Variants in SH2B1 observed in about 807,000 individuals in gnomAD.
The protein encoded by SH2B1 is SH2B adaptor protein 1, also known as SH2B adapter protein 1.
SH2B1 carries 15 observed loss-of-function variants against 62.6 expected under a neutral mutation model. That is an observed-to-expected ratio of 0.24 (90% confidence interval 0.16 to 0.37). The LOEUF is 0.37. SH2B1 is among the 10% of genes least tolerant of loss of function. The pLI is 1.00. For missense variants in SH2B1, 925 were observed against 1,015.6 expected (o/e 0.91, Z 1.21); for synonymous variants, 443 against 438.0 (o/e 1.01, Z -0.14).
chr16:28,864,344 C>T lies in SH2B1; in HGVS notation c.-1751C>T, dbSNP rs753898337. The T allele has an allele frequency of 8.9e-5, 88 of 992,844 alleles. No individual in the cohort carries two copies. The highest frequency in any genetic ancestry group is 1.0e-3 in the Middle Eastern group (2 of 1,970). The allele number at this position is 992,844 out of a possible 1,614,324, so 61.5% of individuals were successfully genotyped here. On this transcript the variant is annotated 5_prime_UTR_variant, in exon 1 of 8. Coordinates refer to ENST00000684370, the MANE Select transcript of SH2B1 (RefSeq NM_001387430.1). ...ACCAGCTTAGGAGTCGCAGGGTCAG[C>T]GGGCCTGAAGGGGGCTGGGTCTGTC... is the stretch of plus-strand genomic sequence containing the variant.
At chr16:28,854,001 CAAAAAAAAA>C (rs59760541) in intron 1 of SH2B1, among the ~76,000 whole-genome samples, 1 of 45,982 alleles carries the variant, frequency 2.2e-5, no homozygotes, top group Admixed American at 3.6e-4. Context: ...GACTAGGTCT[CAAAAAAAAA>C]AAAAAAAAAA....
chr16:28,858,380 G>A (rs1278650104), intron 1 of SH2B1, among the ~76,000 whole-genome samples: 1 of 152,162 alleles, frequency 6.6e-6, no homozygotes, highest in East Asian at 1.9e-4. Flanking sequence ...GGGTGTGGTG[G>A]CCCATGCCTG....
At chr16:28,862,290 T>C (rs939789597), upstream of SH2B1, 1 of 152,080 alleles carries the variant, frequency 6.6e-6, no homozygotes, top group African/African-American at 2.4e-5. Flanking sequence ...ATTGACCTCA[T>C]TATTATTATT....
At position 28,873,883 on chromosome 16, in the gene SH2B1, T is replaced by G; in HGVS notation, c.*63T>G. Reference sequence around the variant, plus strand: ...GCCCTGCTCGTGAGATTGGGCTGGGTAGGGACAGAGGAGGCCGAAATCCCT... The same window carrying G: ...GCCCTGCTCGTGAGATTGGGCTGGGGAGGGACAGAGGAGGCCGAAATCCCT... On this transcript the variant is annotated 3_prime_UTR_variant, in exon 8 of 8. Transcript: ENST00000684370. The surrounding 1 kb of genome is among the most constrained non-coding windows in gnomAD (Gnocchi z 4.2). The G allele has an allele frequency of 2.9e-6, 4 of 1,361,714 alleles. No homozygotes were observed. The highest frequency in any genetic ancestry group is 3.8e-6 in the Non-Finnish European group (4 of 1,059,382). 84.4% of individuals were successfully genotyped at this position (1,361,714 alleles called of 1,614,324 possible).
Position 28,866,190 on chromosome 16 carries a change from C to T in SH2B1, c.96C>T (p.Ser32=). ...CTAGTTGGCGGGAGTTCTGTGAGTC[C>T]CACGCCCGGGCTGCGGCTCTGGACT... ...PPPSWREFCE[S]HARAAALDFA... is the part of the protein sequence containing the mutation. Residue 32 remains serine, a synonymous_variant, in exon 1 of 8, where the codon TCC becomes TCT. Coordinates refer to ENST00000684370, the MANE Select transcript of SH2B1 (RefSeq NM_001387430.1). This position sits in a 1 kb window ranked among gnomAD's most constrained non-coding sequence, Gnocchi z 6.3. The T allele has an allele frequency of 1.3e-6, 2 of 1,579,384 alleles. No homozygotes were observed. The highest frequency in any genetic ancestry group is 1.7e-6 in the Non-Finnish European group (2 of 1,164,890).
At chr16:28,860,314 C>A (rs1280468879), upstream of SH2B1, among the ~76,000 whole-genome samples, 2 of 149,572 alleles carry the variant, frequency 1.3e-5, no homozygotes, top group Non-Finnish European at 3.0e-5. Context: ...TGCAGTGGCA[C>A]GATCTTGGCT....
In SH2B1 at chr16:28,873,420, G is replaced by C. The variant is rs749149738; in HGVS notation, c.1898-27G>C. ...AGGAGCTCACCTGCCTCCACAATCA[G>C]TCTGTTTTCTTACCATTCCTATCCA... is the stretch of plus-strand genomic sequence containing the variant. On this transcript the variant is annotated intron_variant, in intron 7 of 7. Transcript: ENST00000684370. This position sits in a 1 kb window ranked among gnomAD's most constrained non-coding sequence, Gnocchi z 4.2. 6.3e-7 allele frequency: 1 copy of C among 1,577,448 alleles called. No individual in the cohort carries two copies.
intron 1 of SH2B1, among the ~76,000 whole-genome samples, chr16:28,847,633 A>G (rs1412794579): frequency 6.6e-6 from 1 of 151,700 alleles, no homozygotes; most frequent in Non-Finnish European, 1.5e-5. Context: ...GCCTGGGCAG[A>G]TTAGGAGACC....
At chr16:28,852,844 A>T (rs1418633702) in intron 1 of SH2B1, among the ~76,000 whole-genome samples, 2 of 41,632 alleles carry the variant, frequency 4.8e-5, no homozygotes, top group Non-Finnish European at 9.5e-5. Flanking sequence ...ATATATACAT[A>T]TATATATTTT....
In SH2B1 at chr16:28,869,038, A is replaced by G. The variant is rs1360527612; in HGVS notation, c.1074A>G (p.Thr358=). The change falls in exon 3 of 8, where the codon ACA becomes ACG. Residue 358 remains threonine (T), a synonymous_variant. Transcript: ENST00000684370. ...VEGPSEYIME[T]VDAQHVKAWV... ...GTCCATCCGAGTATATCATGGAGAC[A>G]GTGGATGCCCAGCATGTGAAGGCCT... is the stretch of plus-strand genomic sequence containing the variant. The G allele has an allele frequency of 2.5e-6, 4 of 1,614,038 alleles. No homozygotes were observed. Among genetic ancestry groups the G allele is most frequent in the East Asian group, 2.2e-5 (1 of 44,894 alleles).
intron 1 of SH2B1, among the ~76,000 whole-genome samples, chr16:28,852,768 A>T (rs1198989229): frequency 1.7e-5 from 1 of 57,768 alleles, no homozygotes; most frequent in East Asian, 5.5e-4. Context: ...GTATATATAT[A>T]TTTATATATA....
rs555258806 is a variant in SH2B1, at chr16:28,873,697, C to T, written c.2148C>T (p.Gly716=). 13 of 1,514,362 alleles carry T rather than the reference C, an allele frequency of 8.6e-6. No individual in the cohort carries two copies. The highest frequency in any genetic ancestry group is 4.9e-5 in the East Asian group (2 of 40,410). The allele number at this position is 1,514,362 out of a possible 1,614,324, so 93.8% of individuals were successfully genotyped here. ...EAIAPGSEAQ[G]AGSGGDAGVP... is the part of the protein sequence containing the mutation. ...TAGCCCCAGGCTCAGAGGCCCAGGG[C>T]GCTGGGTCTGGTGGGGACGCGGGGG... Residue 716 remains glycine, a synonymous_variant, in exon 8 of 8, where the codon GGC becomes GGT. Transcript: ENST00000684370. This position sits in a 1 kb window ranked among gnomAD's most constrained non-coding sequence, Gnocchi z 4.2.
chr16:28,872,951 C>A lies in SH2B1; in HGVS notation c.1897+246C>A. 1.6e-6 allele frequency: 1 copy of A among 642,348 alleles called. No homozygotes were observed. The highest frequency in any genetic ancestry group is 2.7e-6 in the Non-Finnish European group (1 of 369,844). The allele number at this position is 642,348 out of a possible 1,614,324, so 39.8% of individuals were successfully genotyped here. ...AGCTGAGAGGTGGGCGGGCGCATCC[C>A]CATTCCATCGGATCCTCTGTTCCAT... On this transcript the variant is annotated intron_variant, in intron 7 of 7. Coordinates refer to ENST00000684370, the MANE Select transcript of SH2B1 (RefSeq NM_001387430.1). The surrounding 1 kb of genome is among the most constrained non-coding windows in gnomAD (Gnocchi z 5.3).
intron 4 of SH2B1, among the ~76,000 whole-genome samples, chr16:28,870,221 C>T (rs1040562520): frequency 4.6e-5 from 7 of 152,174 alleles, no homozygotes; most frequent in East Asian, 3.8e-4. Context: ...CTCTGTGTCC[C>T]GGGCCAGGAT....
chr16:28,850,127 T>A (rs1312223708), intron 1 of SH2B1, among the ~76,000 whole-genome samples: 1 of 152,160 alleles, frequency 6.6e-6, no homozygotes, highest in East Asian at 1.9e-4. Context: ...AGATTTTACA[T>A]TGGCTGGCTT....
In SH2B1 at chr16:28,856,601, A is replaced by G. The variant is rs77543540; in HGVS notation, c.-300-5017A>G. 7.0e-3 allele frequency among the ~76,000 whole-genome samples: 1,067 copies of G among 152,260 alleles called. 12 individuals carry two copies. The highest frequency in any genetic ancestry group is 0.024 in the African/African-American group (1,006 of 41,532). ...GTGCAATGGAAATGAGTACTGGGCT[A>G]GCCAGGAACTTAGTGGCACATTAAG... On this transcript the variant is annotated intron_variant, in intron 1 of 10. Transcript: ENST00000322610.
chr16:28,863,895 C>T lies in SH2B1; in HGVS notation c.-2200C>T, dbSNP rs1268923367. 5.3e-6 allele frequency: 3 copies of T among 570,998 alleles called. No homozygotes were observed. The highest frequency in any genetic ancestry group is 5.0e-6 in the Non-Finnish European group (2 of 398,578). The allele number at this position is 570,998 out of a possible 1,614,324, so 35.4% of individuals were successfully genotyped here. A position where few individuals can be genotyped will look rare whatever the true frequency, so the allele number is the denominator to read the frequency against. On this transcript the variant is annotated 5_prime_UTR_variant, in exon 1 of 8. Coordinates refer to ENST00000684370, the MANE Select transcript of SH2B1 (RefSeq NM_001387430.1). ...TGGGTGGGGGCGCAGGGAGCGGGAG[C>T]CGCCGCCGCCGCCGCCGCCGCCGGA...
Position 28,865,387 on chromosome 16 carries a change from C to T in SH2B1, c.-708C>T, listed in dbSNP as rs1962627326. On this transcript the variant is annotated 5_prime_UTR_variant, in exon 1 of 8. Coordinates refer to ENST00000684370, the MANE Select transcript of SH2B1 (RefSeq NM_001387430.1). ...TCCATCCTCATTAATGAATCGGCCC[C>T]CTCCAAAGAGTTGGACCCTAAGATG... 1.0e-6 allele frequency: 1 copy of T among 985,674 alleles called. No individual in the cohort carries two copies. Among genetic ancestry groups the T allele is most frequent in the African/African-American group, 1.7e-5 (1 of 57,344 alleles). 61.1% of individuals were successfully genotyped at this position (985,674 alleles called of 1,614,324 possible).
chr16:28,856,762 C>A (rs1037007082), intron 1 of SH2B1, among the ~76,000 whole-genome samples: 4 of 152,164 alleles, frequency 2.6e-5, no homozygotes, highest in African/African-American at 9.7e-5. Flanking sequence ...TCTGGTTAAA[C>A]CCCTTGGCAC....
Sources: allele counts gnomAD v4.1 joint callset (sites outside exome capture counted in the v4.1 genomes callset), GRCh38; gene constraint gnomAD v4.1.1; non-coding constraint Gnocchi (gnomAD v3.1); transcripts MANE v1.5; gene names NCBI Gene and HGNC (gene_info 2026-07-23, HGNC 2026-07-21).